The following NAV2 variants were observed in gnomAD, a reference collection of about 807,000 sequenced individuals.
The protein encoded by NAV2 is neuron navigator 2.
In NAV2, 54 loss-of-function variants were observed where a neutral mutation model predicts 223.2. That is an observed-to-expected ratio of 0.24 (90% CI 0.19 to 0.30). The LOEUF is 0.30. Ranked by LOEUF, NAV2 falls within the 10% of genes least tolerant of loss-of-function variation. The pLI is 1.00. For synonymous variants in NAV2, 1,279 were observed against 1,239.3 expected (o/e 1.03, Z -0.67); for missense variants, 2,806 against 3,147.5 (o/e 0.89, Z 2.60).
Position 20,085,381 on chromosome 11 carries a change from T to C in NAV2, c.5498+2202T>C, listed in dbSNP as rs142308113. Among the ~76,000 whole-genome samples, 283 of 152,176 alleles carry C rather than the reference T, an allele frequency of 1.9e-3. 2 individuals carry two copies. The highest frequency in any genetic ancestry group is 0.013 in the Admixed American group (205 of 15,300). On this transcript the variant is annotated intron_variant, in intron 26 of 37. Transcript: ENST00000349880. Reference sequence around the variant, plus strand: ...GGACCCTGTATACCAAGAGAGGAGATGAATGTTAAACAAATAAATCCTGAA... The same window carrying C: ...GGACCCTGTATACCAAGAGAGGAGACGAATGTTAAACAAATAAATCCTGAA...
chr11:19,365,244 A>C (rs1179784422), intron 1 of NAV2, among the ~76,000 whole-genome samples: 2 of 152,200 alleles, frequency 1.3e-5, no homozygotes, highest in East Asian at 1.9e-4. Context: ...CCTAGTCACT[A>C]TTCAAGATTC....
chr11:19,493,754 C>A (rs1365776824), intron 1 of NAV2, among the ~76,000 whole-genome samples: 7 of 152,214 alleles, frequency 4.6e-5, no homozygotes, highest in Admixed American at 1.3e-4. Context: ...GCCATCCCTC[C>A]TGACCATTCC....
At chr11:19,399,854 T>C (rs72906118) in intron 1 of NAV2, among the ~76,000 whole-genome samples, 2,557 of 152,304 alleles carry the variant, frequency 0.017, 32 homozygotes, top group Non-Finnish European at 0.026. Flanking sequence ...TGGTGGGTTC[T>C]CTGATGGGAT....
At position 19,728,761 on chromosome 11, in the gene NAV2, T is replaced by C. The variant is rs78838726; in HGVS notation, c.267+14799T>C. ...GTATGTCTGTGTGTGTTTTCTGCTGTACTGTTATATATGGATAGAATCCTC... is the reference window on the plus strand; with the variant it reads ...GTATGTCTGTGTGTGTTTTCTGCTGCACTGTTATATATGGATAGAATCCTC... On this transcript the variant is annotated intron_variant, in intron 1 of 37. Coordinates refer to ENST00000349880, the MANE Select transcript of NAV2 (RefSeq NM_145117.5). 4.0e-3 allele frequency among the ~76,000 whole-genome samples: 617 copies of C among 152,346 alleles called. 29 individuals are homozygous for C. In the East Asian group the frequency reaches 0.079, roughly 19 times the overall value.
intron 19 of NAV2, among the ~76,000 whole-genome samples, chr11:20,057,430 T>A (rs2058434746): frequency 6.6e-6 from 1 of 152,160 alleles, no homozygotes; most frequent in Non-Finnish European, 1.5e-5. Flanking sequence ...TATGGGAAGC[T>A]GCTGGGACCA....
intron 1 of NAV2, among the ~76,000 whole-genome samples, chr11:19,421,823 C>A (rs1036271266): frequency 8.0e-6 from 1 of 125,018 alleles, no homozygotes; most frequent in Non-Finnish European, 1.6e-5. Flanking sequence ...TGACCATGAC[C>A]ATTAACCCTT....
At chr11:19,645,604 G>A (rs933773596) in intron 1 of NAV2, among the ~76,000 whole-genome samples, 17 of 152,064 alleles carry the variant, frequency 1.1e-4, no homozygotes, top group Admixed American at 1.1e-3. Flanking sequence ...AGTTAGGAAA[G>A]GGATATCAAC....
chr11:19,945,951 G>A (rs1355434662), intron 8 of NAV2, among the ~76,000 whole-genome samples: 1 of 152,252 alleles, frequency 6.6e-6, no homozygotes. Context: ...AACAGGTGCA[G>A]ATCTTCTAGC....
chr11:19,499,056 C>T (rs889091334), intron 1 of NAV2, among the ~76,000 whole-genome samples: 1 of 152,224 alleles, frequency 6.6e-6, no homozygotes, highest in African/African-American at 2.4e-5. Flanking sequence ...GCAAGCCATA[C>T]AGCCTAGCCA....
At chr11:20,026,735 C>T (rs576546619) in intron 11 of NAV2, among the ~76,000 whole-genome samples, 5 of 152,274 alleles carry the variant, frequency 3.3e-5, no homozygotes, top group East Asian at 1.9e-4. Flanking sequence ...TAGATAAATG[C>T]GATGGTTGAA....
intron 11 of NAV2, among the ~76,000 whole-genome samples, chr11:19,991,908 T>C (rs1347607858): frequency 6.6e-6 from 1 of 152,172 alleles, no homozygotes; most frequent in Non-Finnish European, 1.5e-5. Context: ...CCTTCCCCTC[T>C]CTTCCTCTTT....
intron 1 of NAV2, among the ~76,000 whole-genome samples, chr11:19,683,248 C>T (rs2048926750): frequency 6.6e-6 from 1 of 152,026 alleles, no homozygotes; most frequent in African/African-American, 2.4e-5. Flanking sequence ...ATGGGGAGGG[C>T]CAAGGAGAGA....
At chr11:19,917,771 C>T (rs1290453099) in intron 6 of NAV2, among the ~76,000 whole-genome samples, 1 of 152,214 alleles carries the variant, frequency 6.6e-6, no homozygotes, top group African/African-American at 2.4e-5. Context: ...CGCCACTACC[C>T]CTGGCTAATT....
intron 1 of NAV2, among the ~76,000 whole-genome samples, chr11:19,423,314 C>T (rs552186689): frequency 1.3e-5 from 2 of 152,276 alleles, no homozygotes; most frequent in East Asian, 1.9e-4. Context: ...AGCACCCAAC[C>T]ACTGGTGGCT....
At chr11:19,830,941 C>T (rs1380694348) in intron 1 of NAV2, among the ~76,000 whole-genome samples, 1 of 151,982 alleles carries the variant, frequency 6.6e-6, no homozygotes, top group East Asian at 1.9e-4. Flanking sequence ...GGGAAGGAGA[C>T]TAGCATGGAT....
At chr11:19,490,150 T>C (rs2042577527) in intron 1 of NAV2, among the ~76,000 whole-genome samples, 1 of 152,214 alleles carries the variant, frequency 6.6e-6, no homozygotes, top group African/African-American at 2.4e-5. Context: ...GAGCCTTCAG[T>C]GAGTCACAAT....
At chr11:19,912,286 G>A (rs2043377857) in intron 6 of NAV2, among the ~76,000 whole-genome samples, 1 of 152,176 alleles carries the variant, frequency 6.6e-6, no homozygotes, top group Admixed American at 6.5e-5. Flanking sequence ...GCAAAAAAGT[G>A]ATTCTTGTAT....
chr11:20,085,825 G>C (rs949333469), intron 26 of NAV2, among the ~76,000 whole-genome samples: 2 of 152,188 alleles, frequency 1.3e-5, no homozygotes, highest in Admixed American at 6.5e-5. Context: ...GGGTTTTAAG[G>C]ACCAGGCCTA....
chr11:19,692,676 A>G (rs2049213057), intron 1 of NAV2, among the ~76,000 whole-genome samples: 2 of 152,330 alleles, frequency 1.3e-5, no homozygotes, highest in Non-Finnish European at 2.9e-5. Flanking sequence ...CATTTTGCAT[A>G]TTGATCATAC....
Sources: allele counts gnomAD v4.1 joint callset (sites outside exome capture counted in the v4.1 genomes callset), GRCh38; gene constraint gnomAD v4.1.1; transcripts MANE v1.5; gene names NCBI Gene and HGNC (gene_info 2026-07-23, HGNC 2026-07-21).